GPC6: variants seen among roughly 807,000 people sequenced by gnomAD.
GPC6 encodes the protein glypican-6.
GPC6 carries 14 observed loss-of-function variants against 55.2 expected under a neutral mutation model. The observed-to-expected ratio is 0.25, with a 90% CI of 0.17 to 0.40. The LOEUF is 0.40. Among genes scored for constraint, GPC6 ranks in the 10% least tolerant of loss-of-function variants. The pLI is 1.00. For synonymous variants in GPC6, 278 were observed against 259.6 expected, an observed-to-expected ratio of 1.07 and a Z score of -0.68; for missense variants, 641 against 708.5, an observed-to-expected ratio of 0.90 and a Z score of 1.08.
chr13:93,981,633 T>C (rs1485755449), intron 3 of GPC6, among the ~76,000 whole-genome samples: 1 of 152,230 alleles, frequency 6.6e-6, no homozygotes, highest in Non-Finnish European at 1.5e-5. Context: ...TTAACATTGC[T>C]TTCAAATGCT....
intron 2 of GPC6, among the ~76,000 whole-genome samples, chr13:93,672,680 C>CATAT (rs200452814): frequency 8.8e-5 from 13 of 147,808 alleles, no homozygotes; most frequent in East Asian, 4.0e-4. Flanking sequence ...CACACACAAA[C>CATAT]ATATATATAT....
At chr13:94,133,273 A>C (rs1418607035) in intron 4 of GPC6, among the ~76,000 whole-genome samples, 2 of 151,124 alleles carry the variant, frequency 1.3e-5, no homozygotes, top group Admixed American at 1.3e-4. Flanking sequence ...GTGACAAAAA[A>C]AAAAAAAAAA....
intron 1 of GPC6, among the ~76,000 whole-genome samples, chr13:93,284,829 G>C (rs1476025633): frequency 6.6e-6 from 1 of 152,160 alleles, no homozygotes; most frequent in Non-Finnish European, 1.5e-5. Context: ...TGTACTAGTA[G>C]ATATTTCAAT....
chr13:94,195,258 C>T (rs1460134478), intron 4 of GPC6, among the ~76,000 whole-genome samples: 1 of 152,126 alleles, frequency 6.6e-6, no homozygotes, highest in Non-Finnish European at 1.5e-5. Flanking sequence ...CTAGTTAGGG[C>T]TTGTATAAGA....
At chr13:93,678,038 A>T (rs564990074) in intron 2 of GPC6, among the ~76,000 whole-genome samples, 1 of 152,300 alleles carries the variant, frequency 6.6e-6, no homozygotes, top group Admixed American at 6.5e-5. Context: ...CCCAATTCTC[A>T]TACTGCCTTC....
At chr13:93,868,829 G>A (rs1303347017) in intron 3 of GPC6, among the ~76,000 whole-genome samples, 5 of 151,790 alleles carry the variant, frequency 3.3e-5, no homozygotes, top group Admixed American at 3.3e-4. Flanking sequence ...GTATATCTAA[G>A]TGATATCTCC....
At chr13:94,371,739 G>GA (rs1022738981) in intron 6 of GPC6, among the ~76,000 whole-genome samples, 1 of 151,978 alleles carries the variant, frequency 6.6e-6, no homozygotes, top group Non-Finnish European at 1.5e-5. Context: ...AAATGGTGGG[G>GA]AAAAAAATAG....
intron 3 of GPC6, among the ~76,000 whole-genome samples, chr13:93,930,275 G>GTTTTTTGTTTTTTTTTTTT (rs1878094994): frequency 8.1e-6 from 1 of 123,826 alleles, no homozygotes; most frequent in Non-Finnish European, 1.6e-5. Flanking sequence ...GAAACGAAAG[G>GTTTTTTGTTTTTTTTTTTT]TTTTTTTTTT....
At chr13:93,604,200 C>A (rs2139528748) in intron 2 of GPC6, among the ~76,000 whole-genome samples, 1 of 152,354 alleles carries the variant, frequency 6.6e-6, no homozygotes, top group South Asian at 2.1e-4. Context: ...AAGGACTCAG[C>A]TGTTAAAGTA....
At chr13:93,580,884 C>A (rs1022835232) in intron 2 of GPC6, among the ~76,000 whole-genome samples, 1 of 151,970 alleles carries the variant, frequency 6.6e-6, no homozygotes, top group Non-Finnish European at 1.5e-5. Flanking sequence ...ACATGAAAAT[C>A]GCATTTTTAC....
chr13:94,164,430 GTATTGT>G (rs1888278277), intron 4 of GPC6, among the ~76,000 whole-genome samples: 1 of 152,144 alleles, frequency 6.6e-6, no homozygotes, highest in South Asian at 2.1e-4. Flanking sequence ...TAATTGAAAG[GTATTGT>G]TATTGTTATT....
intron 1 of GPC6, among the ~76,000 whole-genome samples, chr13:93,451,385 G>A (rs1285669762): frequency 1.3e-5 from 2 of 152,318 alleles, no homozygotes; most frequent in Middle Eastern, 3.4e-3. Context: ...TGGCCTGTGG[G>A]CTAAATGTGC....
At chr13:94,076,553 T>C (rs1466736923) in intron 4 of GPC6, among the ~76,000 whole-genome samples, 1 of 151,942 alleles carries the variant, frequency 6.6e-6, no homozygotes, top group Non-Finnish European at 1.5e-5. Flanking sequence ...AAATTATTGC[T>C]AATGCCAATG....
At chr13:93,909,102 T>G (rs187432954) in intron 3 of GPC6, among the ~76,000 whole-genome samples, 48 of 152,316 alleles carry the variant, frequency 3.2e-4, no homozygotes, top group African/African-American at 1.2e-3. Context: ...TCTTTACCTA[T>G]TTCCGTAGCC....
chr13:93,521,601 T>C (rs1881425485), intron 1 of GPC6, among the ~76,000 whole-genome samples: 1 of 151,970 alleles, frequency 6.6e-6, no homozygotes, highest in African/African-American at 2.4e-5. Context: ...GGGTGCCCCA[T>C]GGGCTTCCAT....
chr13:93,812,996 C>T (rs145274219), intron 2 of GPC6, among the ~76,000 whole-genome samples: 16 of 152,244 alleles, frequency 1.1e-4, no homozygotes, highest in African/African-American at 3.4e-4. Context: ...TGTAAATAAT[C>T]GTATTCAGAG....
At position 93,702,984 on chromosome 13, in the gene GPC6, C is replaced by T. The variant is rs937063220; in HGVS notation, c.320-127170C>T. Among the ~76,000 whole-genome samples, 3 of 151,914 alleles carry T rather than the reference C, an allele frequency of 2.0e-5. No homozygotes were observed. The East Asian group carries it at 5.8e-4, about 30-fold the overall frequency. On this transcript the variant is annotated intron_variant, in intron 2 of 8. Transcript: ENST00000377047. ...GTGTCTTTATTGGAGTAGCACTTTT[C>T]ATTTTTTTCAAGAACTTTTCCTTCA...
chr13:93,329,859 T>C (rs1051373874), intron 1 of GPC6, among the ~76,000 whole-genome samples: 9 of 151,984 alleles, frequency 5.9e-5, no homozygotes, highest in African/African-American at 2.2e-4. Context: ...AAAACCCTTG[T>C]TGCAAAGGAT....
chr13:93,866,567 A>T (rs1190447918), intron 3 of GPC6, among the ~76,000 whole-genome samples: 1 of 151,822 alleles, frequency 6.6e-6, no homozygotes, highest in African/African-American at 2.4e-5. Context: ...TTTCATTTGC[A>T]GGGACATGGA....
Sources: gnomAD v4.1 joint callset for allele counts (sites outside exome capture counted in the v4.1 genomes callset) on GRCh38, gnomAD v4.1.1 for gene constraint, MANE v1.5 for transcripts, NCBI Gene and HGNC (gene_info 2026-07-23, HGNC 2026-07-21) for gene names.